The following CEP72 variants were observed in gnomAD, a reference collection of about 807,000 sequenced individuals.
The protein encoded by CEP72 is centrosomal protein 72.
A neutral mutation model predicts 65.7 loss-of-function variants in CEP72; 78 were observed. That is an observed-to-expected ratio of 1.19 (90% CI 0.99 to 1.43). CEP72 has a LOEUF of 1.43. Among genes scored for constraint, CEP72 ranks in the 40% most tolerant of loss-of-function variants. The probability of loss-of-function intolerance (pLI) is 0.00; values close to 1 mark genes in which losing one functional copy is unlikely to be tolerated. For synonymous variants in CEP72, 358 were observed against 351.7 expected (o/e 1.02, Z -0.20); for missense variants, 914 against 832.9 (o/e 1.10, Z -1.20).
At chr5:650,584 CTG>C (rs1179298449) in intron 11 of CEP72, among the ~76,000 whole-genome samples, 5 of 9,836 alleles carry the variant, frequency 5.1e-4, no homozygotes, top group Non-Finnish European at 6.1e-4. Context: ...TGAGGTGTGA[CTG>C]TGGGTGTGAG....
In CEP72 at chr5:653,100, A is replaced by G. The variant is rs753253437; in HGVS notation, c.1891A>G (p.Met631Val). Residue 631 changes from methionine (M) to valine (V), a missense_variant, in exon 12 of 12, where the codon ATG becomes GTG. By Grantham distance (21) the Met-to-Val change is conservative (BLOSUM62 1). Transcript: ENST00000264935. ...HWSYQELKKT[M>V]ALFPHSSASH... The stretch of plus-strand genomic sequence containing the variant: ...GAGCTACCAGGAGCTCAAGAAGACC[A>G]TGGCCCTGTTTCCACACAGCAGCGC... 3.9e-5 allele frequency: 63 copies of G among 1,613,498 alleles called. No individual in the cohort carries two copies. Among genetic ancestry groups the G allele is most frequent in the Middle Eastern group, 3.3e-4 (2 of 6,062 alleles).
chr5:652,294 C>T (rs992115516), intron 11 of CEP72, among the ~76,000 whole-genome samples: 4 of 152,296 alleles, frequency 2.6e-5, no homozygotes, highest in South Asian at 2.1e-4. Flanking sequence ...TCCTGGCCTG[C>T]GGCTCCTTTG....
Position 633,892 on chromosome 5 carries a change from C to G in CEP72, c.636C>G (p.Pro212=), listed in dbSNP as rs375289450. ...GCGAGTGGGACCTCGGCAGGCCTCC[C>G]GGGAGCACGAGCTTCAGCCAGAAGG... ...AECEWDLGRP[P]GSTSFSQKGR... Residue 212 remains proline, a synonymous_variant, in exon 5 of 12, where the codon CCC becomes CCG. Transcript: ENST00000264935. 1.9e-6 allele frequency: 3 copies of G among 1,613,308 alleles called. No individual in the cohort carries two copies. The highest frequency in any genetic ancestry group is 2.5e-6 in the Non-Finnish European group (3 of 1,180,036).
In CEP72 at chr5:647,833, T is replaced by A; in HGVS notation, c.1695T>A (p.Cys565Ter). 6.2e-7 allele frequency: 1 copy of A among 1,612,728 alleles called. No homozygotes were observed. The highest frequency in any genetic ancestry group is 1.1e-5 in the South Asian group (1 of 91,080). ...TTCAAACAAGTGTGAAGAGGCTGTG[T>A]GGCGAGATTGTGGAACTGAAGCAGC... ...AGLQTSVKRLCGEIVELKQHL... is the reference protein window; with the variant it reads ...AGLQTSVKRL Residue 565 changes from cysteine to a stop codon, truncating the protein, a stop_gained, in exon 11 of 12, where the codon TGT becomes TGA. Coordinates refer to ENST00000264935, the MANE Select transcript of CEP72 (RefSeq NM_018140.4). LOFTEE classifies it high-confidence loss of function.
At position 653,262 on chromosome 5, in the gene CEP72, G is replaced by C. The variant is rs1166761940; in HGVS notation, c.*109G>C. On this transcript the variant is annotated 3_prime_UTR_variant, in exon 12 of 12. Coordinates refer to ENST00000264935, the MANE Select transcript of CEP72 (RefSeq NM_018140.4). The stretch of plus-strand genomic sequence containing the variant: ...CTGGCTGGCAAGAGTTCTCTCTTCT[G>C]TTGGTAATTATTTAGGATTTTTGGA... The C allele has an allele frequency of 8.0e-6, 9 of 1,126,572 alleles. No individual in the cohort carries two copies. The highest frequency in any genetic ancestry group is 1.6e-5 in the African/African-American group (1 of 63,356). The allele number at this position is 1,126,572 out of a possible 1,614,324, so 69.8% of individuals were successfully genotyped here.
In CEP72 at chr5:623,768, G is replaced by A. The variant is rs1410630607; in HGVS notation, c.404-703G>A. On this transcript the variant is annotated intron_variant, in intron 3 of 11. Coordinates refer to ENST00000264935, the MANE Select transcript of CEP72 (RefSeq NM_018140.4). This position sits in a 1 kb window ranked among gnomAD's most constrained non-coding sequence, Gnocchi z 5.3. ...CAGAGGCCTCTGACTCGGCATCTTTGTGTGATTATCAGAACTCCTCCGTTT... is the reference window on the plus strand; with the variant it reads ...CAGAGGCCTCTGACTCGGCATCTTTATGTGATTATCAGAACTCCTCCGTTT... Among the ~76,000 whole-genome samples the A allele has an allele frequency of 6.6e-6, 1 of 152,136 alleles. No individual in the cohort carries two copies. The highest frequency in any genetic ancestry group is 2.1e-4 in the South Asian group (1 of 4,824).
rs1736495071 is a variant in CEP72, at chr5:623,027, CT to C, written c.404-1443del. ...CAGAGAAGGAGCGCAGCCGTCTCCC[CT>C]CTTAGTGTTTCTGTAGAGAAGGAGC... On this transcript the variant is annotated intron_variant, in intron 3 of 11. Transcript: ENST00000264935. This position sits in a 1 kb window ranked among gnomAD's most constrained non-coding sequence, Gnocchi z 5.3. Among the ~76,000 whole-genome samples the C allele has an allele frequency of 6.6e-6, 1 of 152,046 alleles. No individual in the cohort carries two copies. Among genetic ancestry groups the C allele is most frequent in the African/African-American group, 2.4e-5 (1 of 41,380 alleles).
intron 4 of CEP72, among the ~76,000 whole-genome samples, chr5:625,555 A>G (rs1620418): frequency 0.63 from 95,605 of 152,096 alleles, 30,248 homozygotes; most frequent in Non-Finnish European, 0.66. Flanking sequence ...GCCCGATTTG[A>G]GCCGTTTTTT....
chr5:658,139 C>T (rs369219272), downstream of CEP72, among the ~76,000 whole-genome samples: 86 of 152,318 alleles, frequency 5.6e-4, no homozygotes, highest in African/African-American at 1.9e-3. Flanking sequence ...TCCCTTCAAG[C>T]GAGACCTTGC....
chr5:635,713 G>A (rs777657125), intron 6 of CEP72, 129 bp downstream of exon 6: 21 of 719,972 alleles, frequency 2.9e-5, no homozygotes, highest in Non-Finnish European at 4.2e-5. Context: ...GCACGGTGCC[G>A]GCACCTGGTG....
intron 11 of CEP72, among the ~76,000 whole-genome samples, chr5:650,137 T>C (rs1396416663): frequency 1.3e-5 from 1 of 76,508 alleles, no homozygotes; most frequent in Non-Finnish European, 2.4e-5. Flanking sequence ...GACTGTGAGG[T>C]GTGACTGTGA....
rs1036316278 is a variant in CEP72 at position 645,160 on chromosome 5, G to A, written c.1666+735G>A. Among the ~76,000 whole-genome samples, 1 of 152,040 alleles carries A rather than the reference G, an allele frequency of 6.6e-6. No homozygotes were observed. Among genetic ancestry groups the A allele is most frequent in the Admixed American group, 6.5e-5 (1 of 15,274 alleles). ...TTTCCTCAAAGGCCAGGTAGTAACC[G>A]TTTCAGGGCGTGTGGGTCTCACGAT... On this transcript the variant is annotated intron_variant, in intron 10 of 11. Coordinates refer to ENST00000264935, the MANE Select transcript of CEP72 (RefSeq NM_018140.4). This position sits in a 1 kb window ranked among gnomAD's most constrained non-coding sequence, Gnocchi z 4.0.
At chr5:644,480 T>A in intron 10 of CEP72, 55 bp downstream of exon 10, 3 of 1,582,704 alleles carry the variant, frequency 1.9e-6, no homozygotes, top group Non-Finnish European at 2.6e-6. Context: ...CAAATGTGCC[T>A]AGGTAGACTT....
At position 635,189 on chromosome 5, in the gene CEP72, C is replaced by A. The variant is rs112331602; in HGVS notation, c.692-183C>A. Among the ~76,000 whole-genome samples, 1,129 of 152,354 alleles carry A rather than the reference C, an allele frequency of 7.4e-3. 19 individuals are homozygous for A. The highest frequency in any genetic ancestry group is 0.026 in the African/African-American group (1,064 of 41,588). On this transcript the variant is annotated intron_variant, in intron 5 of 11. Transcript: ENST00000264935. ...GTCTCGCAGGCGAGTGGCGCCAGTT[C>A]CCAGTTCCAAGCTCTCTTGCTGTTA...
intron 1 of CEP72, 63 bp from the exon 2 acceptor site, chr5:618,927 T>G (rs73734331): frequency 0.024 from 32,195 of 1,353,740 alleles, 445 homozygotes; most frequent in African/African-American, 0.041. Flanking sequence ...ACCAAGAACT[T>G]GACCGTTATT....
chr5:663,162 C>CCGATGA (rs2126858335), intron 1 of CEP72: 1 of 129,896 alleles, frequency 7.7e-6, no homozygotes, highest in African/African-American at 2.5e-5. Flanking sequence ...TCGGGTGAGT[C>CCGATGA]CGATGACTGC....
chr5:616,201 T>C (rs1039957286), intron 1 of CEP72, among the ~76,000 whole-genome samples: 2 of 152,244 alleles, frequency 1.3e-5, no homozygotes, highest in Non-Finnish European at 2.9e-5. Flanking sequence ...GGTCTGCTTG[T>C]GACAGATTCT....
rs762408643 is a variant in CEP72, at chr5:653,191, G to A, written c.*38G>A. 1.9e-6 allele frequency: 3 copies of A among 1,541,744 alleles called. No homozygotes were observed. In the South Asian group the frequency reaches 3.7e-5, roughly 19 times the overall value. On this transcript the variant is annotated 3_prime_UTR_variant, in exon 12 of 12. Transcript: ENST00000264935. ...AGCTGGGCCACCCCTTAAGCTTCCT[G>A]GTAAAGTTACATTGTCTGCACCTTT...
At chr5:669,291 G>T (rs1414251624), downstream of CEP72, among the ~76,000 whole-genome samples, 1 of 151,752 alleles carries the variant, frequency 6.6e-6, no homozygotes, top group Non-Finnish European at 1.5e-5. Flanking sequence ...CCGGTGAGCC[G>T]GAGGTGCCCT....
Sources: allele counts gnomAD v4.1 joint callset (sites outside exome capture counted in the v4.1 genomes callset), GRCh38; gene constraint gnomAD v4.1.1; non-coding constraint Gnocchi (gnomAD v3.1); transcripts MANE v1.5; gene names NCBI Gene and HGNC (gene_info 2026-07-23, HGNC 2026-07-21).